Variants in BLTP3B observed in about 807,000 individuals in gnomAD.
BLTP3B encodes UHRF1 (ICBP90) binding protein 1-like.
chr12:100,098,992 T>C, the BLTP3B span, among the ~76,000 whole-genome samples: 1 of 138,252 alleles, frequency 7.2e-6, no homozygotes, highest in African/African-American at 3.2e-5. Flanking sequence ...CACGTCACCA[T>C]TTTATTATTT....
the BLTP3B span, among the ~76,000 whole-genome samples, chr12:100,105,829 C>T: frequency 6.6e-6 from 1 of 151,976 alleles, no homozygotes; most frequent in South Asian, 2.1e-4. Context: ...GACTAATATT[C>T]AGAATCTACA....
At chr12:100,135,770 G>A in the BLTP3B span, among the ~76,000 whole-genome samples, 7 of 152,246 alleles carry the variant, frequency 4.6e-5, no homozygotes, top group Admixed American at 3.3e-4. Flanking sequence ...AACTCCACGA[G>A]GGCAGGGATC....
chr12:100,120,973 C>T, the BLTP3B span, among the ~76,000 whole-genome samples: 11 of 151,946 alleles, frequency 7.2e-5, no homozygotes, highest in Admixed American at 3.9e-4. Flanking sequence ...TGTACACATA[C>T]GATAAAATAG....
the BLTP3B span, among the ~76,000 whole-genome samples, chr12:100,066,409 G>C: frequency 6.6e-6 from 1 of 150,972 alleles, no homozygotes; most frequent in Non-Finnish European, 1.5e-5. Flanking sequence ...GAGATAGATA[G>C]CAACACAATA....
At chr12:100,124,328 C>T in the BLTP3B span, among the ~76,000 whole-genome samples, 1 of 152,064 alleles carries the variant, frequency 6.6e-6, no homozygotes, top group Non-Finnish European at 1.5e-5. Flanking sequence ...CTAGGCAGGG[C>T]ACAGTGGCTC....
the BLTP3B span, among the ~76,000 whole-genome samples, chr12:100,123,613 T>C: frequency 4.7e-4 from 71 of 152,292 alleles, no homozygotes; most frequent in Middle Eastern, 3.4e-3. Flanking sequence ...ACCAAACCCA[T>C]TGCAAGTCTG....
the BLTP3B span, among the ~76,000 whole-genome samples, chr12:100,060,466 A>G: frequency 9.9e-5 from 15 of 152,174 alleles, no homozygotes; most frequent in Non-Finnish European, 2.2e-4. Flanking sequence ...ATTTCTGTAG[A>G]CTTTACAACC....
the BLTP3B span, among the ~76,000 whole-genome samples, chr12:100,069,245 C>G: frequency 4.6e-5 from 7 of 152,090 alleles, no homozygotes; most frequent in African/African-American, 1.7e-4. Context: ...GTAGAACTAC[C>G]ATTTGATCCA....
chr12:100,084,498 G>A, the BLTP3B span: 1 of 1,613,612 alleles, frequency 6.2e-7, no homozygotes, highest in Non-Finnish European at 8.5e-7. Context: ...GCTGGGGAGA[G>A]GCATGTGTTG....
At chr12:100,057,617 C>T in the BLTP3B span, 2 of 1,611,862 alleles carry the variant, frequency 1.2e-6, no homozygotes, top group African/African-American at 1.3e-5. Flanking sequence ...TTTCTAATAA[C>T]TGTTCTTCCA....
the BLTP3B span, among the ~76,000 whole-genome samples, chr12:100,084,000 C>T: frequency 2.6e-5 from 4 of 151,926 alleles, no homozygotes; most frequent in South Asian, 8.3e-4. Flanking sequence ...ACCACCCTGG[C>T]CAACACAGTG....
At chr12:100,130,517 C>T in the BLTP3B span, among the ~76,000 whole-genome samples, 4 of 152,162 alleles carry the variant, frequency 2.6e-5, no homozygotes, top group Admixed American at 2.6e-4. Flanking sequence ...CAAAATCATA[C>T]TCAGTAATAC....
At chr12:100,055,549 T>G in the BLTP3B span, among the ~76,000 whole-genome samples, 1 of 151,338 alleles carries the variant, frequency 6.6e-6, no homozygotes, top group Admixed American at 6.6e-5. Flanking sequence ...TGGTGGTGGG[T>G]GCCTGTAATC....
chr12:100,115,622 T>C, the BLTP3B span, among the ~76,000 whole-genome samples: 10 of 151,888 alleles, frequency 6.6e-5, no homozygotes, highest in Non-Finnish European at 1.0e-4. Context: ...ATTTTTAAAT[T>C]AGCTAGGCAC....
the BLTP3B span, chr12:100,108,445 A>G: frequency 1.2e-6 from 2 of 1,613,570 alleles, no homozygotes; most frequent in South Asian, 1.1e-5. Context: ...GGCAAATCCA[A>G]CATATTCTGG....
At chr12:100,084,391 C>CAT in the BLTP3B span, 1 of 650,958 alleles carries the variant, frequency 1.5e-6, no homozygotes, top group East Asian at 2.9e-5. Flanking sequence ...CACACACACA[C>CAT]ACACACACAC....
the BLTP3B span, among the ~76,000 whole-genome samples, chr12:100,039,191 T>C: frequency 6.6e-6 from 1 of 151,214 alleles, no homozygotes; most frequent in Non-Finnish European, 1.5e-5. Context: ...GCAACTTGAA[T>C]GTTAATAAAT....
chr12:100,099,078 T>G, the BLTP3B span, among the ~76,000 whole-genome samples: 1 of 151,630 alleles, frequency 6.6e-6, no homozygotes, highest in African/African-American at 2.4e-5. Context: ...CTGCAACCTC[T>G]ACCTCCCGGG....
the BLTP3B span, among the ~76,000 whole-genome samples, chr12:100,092,459 G>A: frequency 3.1e-3 from 470 of 152,176 alleles, 1 homozygote; most frequent in Non-Finnish European, 5.0e-3. Context: ...CTACAACTAG[G>A]AAAAAGTACA....
Sources: gnomAD v4.1 joint callset for allele counts (sites outside exome capture counted in the v4.1 genomes callset) on GRCh38, gnomAD v4.1.1 for gene constraint, MANE v1.5 for transcripts, NCBI Gene and HGNC (gene_info 2026-07-23, HGNC 2026-07-21) for gene names.